The following SEC61A2 variants were observed in gnomAD, a reference collection of about 807,000 sequenced individuals.
SEC61A2 encodes SEC61 translocon subunit alpha 2.
SEC61A2 carries 28 observed loss-of-function variants against 59.9 expected under a neutral mutation model. The ratio of observed to expected loss-of-function variants is 0.47; its 90% confidence interval spans 0.35 to 0.64. SEC61A2 has a LOEUF of 0.64. Among genes scored for constraint, SEC61A2 ranks in the 30% least tolerant of loss-of-function variants. The probability of loss-of-function intolerance (pLI) is 0.01; values close to 1 mark genes in which losing one functional copy is unlikely to be tolerated. For synonymous variants in SEC61A2, 202 were observed against 214.4 expected (o/e 0.94, Z 0.50); for missense variants, 340 against 585.9 (o/e 0.58, Z 4.33).
At position 12,164,899 on chromosome 10, in the gene SEC61A2, ACT is replaced by A; in HGVS notation, c.*446_*447del. 1 of 974,092 alleles carries A rather than the reference ACT, an allele frequency of 1.0e-6. No individual in the cohort carries two copies. Among genetic ancestry groups the A allele is most frequent in the Non-Finnish European group, 1.2e-6 (1 of 819,496 alleles). The allele number at this position is 974,092 out of a possible 1,614,324, so 60.3% of individuals were successfully genotyped here. On this transcript the variant is annotated 3_prime_UTR_variant, in exon 12 of 12. Transcript: ENST00000298428. The surrounding 1 kb of genome is among the most constrained non-coding windows in gnomAD (Gnocchi z 7.3). Reference sequence around the variant, plus strand: ...TATCTAATCTATATTTTAGATAATTACTTTTTATACTTTTTTAACTCATGGTA... The same window carrying A: ...TATCTAATCTATATTTTAGATAATTATTTTATACTTTTTTAACTCATGGTA...
chr10:12,141,931 G>A lies in SEC61A2; in HGVS notation c.142-1186G>A, dbSNP rs541407750. Among the ~76,000 whole-genome samples, 4 of 152,340 alleles carry A rather than the reference G, an allele frequency of 2.6e-5. No individual in the cohort carries two copies. In the South Asian group the frequency reaches 8.3e-4, roughly 32 times the overall value. The stretch of plus-strand genomic sequence containing the variant: ...TGAATGAGGGAGACAAATCCAGTTT[G>A]TCAGTAGAGGGTGATTTTACAGACA... On this transcript the variant is annotated intron_variant, in intron 3 of 11. Coordinates refer to ENST00000298428, the MANE Select transcript of SEC61A2 (RefSeq NM_018144.4).
At chr10:12,167,828 A>G (rs1295591258), downstream of SEC61A2, 1 of 1,613,184 alleles carries the variant, frequency 6.2e-7, no homozygotes. Context: ...AAAGCAAAGA[A>G]AACAACTTAG....
chr10:12,169,947 T>A (rs988245018), downstream of SEC61A2: 19 of 604,578 alleles, frequency 3.1e-5, no homozygotes, highest in African/African-American at 3.3e-4. This position sits in a 1 kb window ranked among gnomAD's most constrained non-coding sequence, Gnocchi z 4.8. Flanking sequence ...CAATAAAATA[T>A]TCCCATGATG....
At position 12,158,279 on chromosome 10, in the gene SEC61A2, A is replaced by G. The variant is rs1834452953; in HGVS notation, c.975+174A>G. The G allele has an allele frequency of 1.7e-6, 1 of 586,092 alleles. No individual in the cohort carries two copies. The highest frequency in any genetic ancestry group is 1.9e-5 in the African/African-American group (1 of 52,976). The allele number at this position is 586,092 out of a possible 1,614,324, so 36.3% of individuals were successfully genotyped here. On this transcript the variant is annotated intron_variant, in intron 9 of 11. Coordinates refer to ENST00000298428, the MANE Select transcript of SEC61A2 (RefSeq NM_018144.4). This position sits in a 1 kb window ranked among gnomAD's most constrained non-coding sequence, Gnocchi z 5.7. ...AGAACTGGTAAGTGTTGCAGAAGTA[A>G]GATTGCCCAAGCGCTTTTTATTATT...
Position 12,129,731 on chromosome 10 carries a change from T to G in SEC61A2, c.-57T>G. ...GGTACCGAGGCCCGAGCCGCGGGAGTCGAGCGAAGGCAGCGCCGAGGCCGC... is the reference window on the plus strand; with the variant it reads ...GGTACCGAGGCCCGAGCCGCGGGAGGCGAGCGAAGGCAGCGCCGAGGCCGC... On this transcript the variant is annotated 5_prime_UTR_variant, in exon 1 of 12. Coordinates refer to ENST00000298428, the MANE Select transcript of SEC61A2 (RefSeq NM_018144.4). The surrounding 1 kb of genome is among the most constrained non-coding windows in gnomAD (Gnocchi z 5.6). The G allele has an allele frequency of 1.3e-5, 19 of 1,474,090 alleles. No homozygotes were observed. Among genetic ancestry groups the G allele is most frequent in the Admixed American group, 2.3e-5 (1 of 43,164 alleles). The allele number at this position is 1,474,090 out of a possible 1,614,324, so 91.3% of individuals were successfully genotyped here.
Position 12,156,212 on chromosome 10 carries a change from A to G in SEC61A2, c.616+281A>G, listed in dbSNP as rs981292147. 1.3e-5 allele frequency among the ~76,000 whole-genome samples: 2 copies of G among 152,260 alleles called. No individual in the cohort carries two copies. Among genetic ancestry groups the G allele is most frequent in the African/African-American group, 4.8e-5 (2 of 41,472 alleles). ...TTAACCTTGCTTAAGGCATTGCTGCAGAAGTCATTTATTTGACTGATTTCA... is the reference window on the plus strand; with the variant it reads ...TTAACCTTGCTTAAGGCATTGCTGCGGAAGTCATTTATTTGACTGATTTCA... On this transcript the variant is annotated intron_variant, in intron 7 of 11. Coordinates refer to ENST00000298428, the MANE Select transcript of SEC61A2 (RefSeq NM_018144.4). This position sits in a 1 kb window ranked among gnomAD's most constrained non-coding sequence, Gnocchi z 5.2.
intron 3 of SEC61A2, among the ~76,000 whole-genome samples, chr10:12,140,043 G>A (rs1166405609): frequency 6.6e-6 from 1 of 152,054 alleles, no homozygotes; most frequent in Non-Finnish European, 1.5e-5. Flanking sequence ...GCTGCTCCAG[G>A]GGTGTGGGCA....
intron 3 of SEC61A2, among the ~76,000 whole-genome samples, chr10:12,140,901 T>A (rs757223526): frequency 8.6e-5 from 13 of 150,786 alleles, no homozygotes; most frequent in Non-Finnish European, 1.8e-4. Context: ...CTCCCAGCTG[T>A]TTTTGTTTTG....
intron 2 of SEC61A2, among the ~76,000 whole-genome samples, chr10:12,134,791 G>A (rs1396051937): frequency 1.3e-5 from 2 of 151,892 alleles, no homozygotes; most frequent in South Asian, 2.1e-4. Context: ...GGTGGCGTGC[G>A]CCTGTAGTCC....
chr10:12,141,449 C>A (rs1350738154), intron 3 of SEC61A2, among the ~76,000 whole-genome samples: 1 of 152,124 alleles, frequency 6.6e-6, no homozygotes, highest in Non-Finnish European at 1.5e-5. Context: ...GGGGTTAAGG[C>A]CAAGTGCTGT....
intron 3 of SEC61A2, among the ~76,000 whole-genome samples, chr10:12,138,326 T>C (rs1833934880): frequency 2.6e-5 from 4 of 152,156 alleles, no homozygotes; most frequent in Admixed American, 2.6e-4. Flanking sequence ...ATTTCTACCA[T>C]TGACTTTCAG....
chr10:12,146,077 A>T (rs764461257), intron 4 of SEC61A2, among the ~76,000 whole-genome samples: 1 of 151,702 alleles, frequency 6.6e-6, no homozygotes. Context: ...CTGGAGTGCA[A>T]TGGTGCGATC....
chr10:12,165,669 C>CTTTA (rs1387717425), downstream of SEC61A2: 4 of 152,258 alleles, frequency 2.6e-5, no homozygotes, highest in East Asian at 7.7e-4. Flanking sequence ...AAACTATGTG[C>CTTTA]TTTATTTCCC....
At chr10:12,131,772 G>A (rs563825879) in intron 1 of SEC61A2, among the ~76,000 whole-genome samples, 24 of 132,386 alleles carry the variant, frequency 1.8e-4, no homozygotes, top group Non-Finnish European at 2.2e-4. Flanking sequence ...CTTACTGCAA[G>A]CTCCCCCTCC....
In SEC61A2 at chr10:12,153,524, G is replaced by A. The variant is rs146416674; in HGVS notation, c.463-2254G>A. On this transcript the variant is annotated intron_variant, in intron 6 of 11. Transcript: ENST00000298428. This position sits in a 1 kb window ranked among gnomAD's most constrained non-coding sequence, Gnocchi z 5.2. ...TGGATTGAAATTGATATAAAATAGA[G>A]TTAAGCTATTTTGCTGTTCATTTTC... is the stretch of plus-strand genomic sequence containing the variant. Among the ~76,000 whole-genome samples the A allele has an allele frequency of 1.4e-3, 219 of 152,262 alleles. 2 individuals carry two copies. Among genetic ancestry groups the A allele is most frequent in the African/African-American group, 5.0e-3 (208 of 41,564 alleles).
At chr10:12,159,243 C>T (rs150190781) in intron 9 of SEC61A2, among the ~76,000 whole-genome samples, 7,595 of 152,166 alleles carry the variant, frequency 0.05, 258 homozygotes, top group Non-Finnish European at 0.077. Flanking sequence ...TCCCAAATTG[C>T]TGGGATTACA....
intron 8 of SEC61A2, among the ~76,000 whole-genome samples, chr10:12,157,269 C>T (rs759668073): frequency 6.6e-6 from 1 of 152,048 alleles, no homozygotes; most frequent in African/African-American, 2.4e-5. Context: ...TTTGTTTTGA[C>T]CCATCAGCAG....
downstream of SEC61A2, chr10:12,169,412 C>A (rs912984774): frequency 1.1e-5 from 10 of 931,556 alleles, no homozygotes; most frequent in African/African-American, 3.4e-5. This position sits in a 1 kb window ranked among gnomAD's most constrained non-coding sequence, Gnocchi z 4.8. Context: ...TGTTATTGTT[C>A]CTGTTTTATG....
Position 12,164,338 on chromosome 10 carries a change from G to A in SEC61A2, c.1315G>A (p.Gly439Arg), listed in dbSNP as rs766382440. 1 of 1,614,040 alleles carries A rather than the reference G, an allele frequency of 6.2e-7. No individual in the cohort carries two copies. The highest frequency in any genetic ancestry group is 8.5e-7 in the Non-Finnish European group (1 of 1,179,996). Reference sequence around the variant, plus strand: ...CCTGTCAGTGCTGGCTGACTTCCTGGGGGCCATTGGATCTGGCACTGGAAT... The same window carrying A: ...CCTGTCAGTGCTGGCTGACTTCCTGAGGGCCATTGGATCTGGCACTGGAAT... ...GALSVLADFL[G>R]AIGSGTGILL... The change falls in exon 12 of 12, where the codon GGG becomes AGG. Residue 439 changes from glycine (G) to arginine (R), a missense_variant. Around this residue, in one of 3 missense-constraint regions of SEC61A2, gnomAD observed 283 missense variants for 483.2 expected, o/e 0.59. Coordinates refer to ENST00000298428, the MANE Select transcript of SEC61A2 (RefSeq NM_018144.4). The surrounding 1 kb of genome is among the most constrained non-coding windows in gnomAD (Gnocchi z 7.3).
Sources: gnomAD v4.1 joint callset for allele counts (sites outside exome capture counted in the v4.1 genomes callset) on GRCh38, gnomAD v4.1.1 for gene constraint, gnomAD v4.1.1 regional missense constraint, Gnocchi (gnomAD v3.1) non-coding constraint, MANE v1.5 for transcripts, NCBI Gene and HGNC (gene_info 2026-07-23, HGNC 2026-07-21) for gene names.